The following RNF41 variants were observed in gnomAD, a reference collection of about 807,000 sequenced individuals.
RNF41 encodes ring finger protein 41.
In RNF41, 4 loss-of-function variants were observed where a neutral mutation model predicts 33.0. The ratio of observed to expected loss-of-function variants is 0.12; its 90% CI spans 0.06 to 0.28. RNF41 has a LOEUF of 0.28. Among genes scored for constraint, RNF41 ranks in the 10% least tolerant of loss-of-function variants. The probability of loss-of-function intolerance (pLI) is 1.00; values close to 1 mark genes in which losing one functional copy is unlikely to be tolerated. For missense variants in RNF41, 228 were observed against 432.6 expected, an observed-to-expected ratio of 0.53 and a Z score of 4.19; for synonymous variants, 164 against 153.2, an observed-to-expected ratio of 1.07 and a Z score of -0.52.
chr12:56,217,925 C>T (rs1869027946), intron 1 of RNF41, among the ~76,000 whole-genome samples: 1 of 152,242 alleles, frequency 6.6e-6, no homozygotes, highest in African/African-American at 2.4e-5. Flanking sequence ...GGGGATGCTG[C>T]TTTAATGTTT....
At chr12:56,221,702 A>C (rs1592364207) in intron 1 of RNF41, 58 bp downstream of exon 1, 2 of 142,856 alleles carry the variant, frequency 1.4e-5, no homozygotes, top group African/African-American at 2.7e-5. Context: ...CTGGGACATC[A>C]CCTCCTCCCC....
At chr12:56,217,731 G>C (rs1869013057) in intron 1 of RNF41, among the ~76,000 whole-genome samples, 1 of 152,104 alleles carries the variant, frequency 6.6e-6, no homozygotes, top group African/African-American at 2.4e-5. Context: ...TGTCCTGTCA[G>C]ATCAGCAGCG....
At chr12:56,211,634 T>C (rs1351610024) in intron 3 of RNF41, among the ~76,000 whole-genome samples, 1 of 151,972 alleles carries the variant, frequency 6.6e-6, no homozygotes, top group Non-Finnish European at 1.5e-5. Context: ...ATTCAGATGA[T>C]AGATTTAGAG....
chr12:56,205,310 C>T lies in RNF41; in HGVS notation c.*1137G>A, dbSNP rs1004662238. ...GGTTACAGAGGTTTGGGGCAGATATCGTAAGTTCAGCCGAGGACTCCCTTG... is the reference window on the plus strand; with the variant it reads ...GGTTACAGAGGTTTGGGGCAGATATTGTAAGTTCAGCCGAGGACTCCCTTG... On this transcript the variant is annotated 3_prime_UTR_variant, in exon 7 of 7. Coordinates refer to ENST00000345093, the MANE Select transcript of RNF41 (RefSeq NM_005785.4). 1.3e-5 allele frequency: 2 copies of T among 152,110 alleles called. No homozygotes were observed. Among genetic ancestry groups the T allele is most frequent in the South Asian group, 2.1e-4 (1 of 4,826 alleles). The allele number at this position is 152,110 out of a possible 1,614,324, so 9.4% of individuals were successfully genotyped here. A position where few individuals can be genotyped will look rare whatever the true frequency, so the allele number is the denominator to read the frequency against.
Position 56,206,741 on chromosome 12 carries a change from A to C in RNF41, c.660T>G (p.Thr220=), listed in dbSNP as rs1868273436. 6.2e-7 allele frequency: 1 copy of C among 1,614,042 alleles called. No homozygotes were observed. Among genetic ancestry groups the C allele is most frequent in the African/African-American group, 1.3e-5 (1 of 74,916 alleles). ...RVTRWGGMIS[T]PDAVLQAVIK... ...TTACAGCCTGGAGCACAGCATCAGG[A>C]GTCGAGATCATCCCTCCCCAGCGGG... Residue 220 remains threonine (T), a synonymous_variant, in exon 7 of 7, where the codon ACT becomes ACG. Transcript: ENST00000345093. The surrounding 1 kb of genome is among the most constrained non-coding windows in gnomAD (Gnocchi z 5.7).
upstream of RNF41, chr12:56,221,950 A>T (rs1869498814): frequency 6.6e-6 from 1 of 152,342 alleles, no homozygotes; most frequent in Admixed American, 6.5e-5. Context: ...CACCGCTGCT[A>T]CGCAACCCGG....
intron 2 of RNF41, among the ~76,000 whole-genome samples, chr12:56,216,131 AAAG>A (rs978002365): frequency 6.6e-6 from 1 of 152,140 alleles, no homozygotes; most frequent in African/African-American, 2.4e-5. Context: ...CAAAAAAAAA[AAAG>A]AAGAAACACA....
In RNF41 at chr12:56,206,237, G is replaced by A; in HGVS notation, c.*210C>T. 1 of 560,898 alleles carries A rather than the reference G, an allele frequency of 1.8e-6. No individual in the cohort carries two copies. The highest frequency in any genetic ancestry group is 3.2e-6 in the Non-Finnish European group (1 of 316,818). 34.7% of individuals were successfully genotyped at this position (560,898 alleles called of 1,614,324 possible). A position where few individuals can be genotyped will look rare whatever the true frequency, so the allele number is the denominator to read the frequency against. On this transcript the variant is annotated 3_prime_UTR_variant, in exon 7 of 7. Coordinates refer to ENST00000345093, the MANE Select transcript of RNF41 (RefSeq NM_005785.4). This position sits in a 1 kb window ranked among gnomAD's most constrained non-coding sequence, Gnocchi z 5.7. ...AGACTGATAATTTATAGACATTTTA[G>A]GGGAATATGGCAAAGGGAGGAAATC...
At position 56,205,064 on chromosome 12, in the gene RNF41, G is replaced by A. The variant is rs925264913; in HGVS notation, c.*1383C>T. 1 of 152,252 alleles carries A rather than the reference G, an allele frequency of 6.6e-6. No homozygotes were observed. Among genetic ancestry groups the A allele is most frequent in the African/African-American group, 2.4e-5 (1 of 41,462 alleles). The allele number at this position is 152,252 out of a possible 1,614,324, so 9.4% of individuals were successfully genotyped here. A position where few individuals can be genotyped will look rare whatever the true frequency, so the allele number is the denominator to read the frequency against. On this transcript the variant is annotated 3_prime_UTR_variant, in exon 7 of 7. Transcript: ENST00000345093. ...AGACACGGCACAGCCTGTACTTAGA[G>A]ATAAAATTTCTGATTTGCATGGTGA...
rs758330949 is a variant in RNF41 at position 56,208,177 on chromosome 12, G to A, written c.484C>T (p.Gln162Ter). The change falls in exon 5 of 7, where the codon CAG (glutamine) becomes TAG (stop). Residue 162 changes from glutamine to a stop codon, truncating the protein, a stop_gained. Coordinates refer to ENST00000345093, the MANE Select transcript of RNF41 (RefSeq NM_005785.4). LOFTEE classifies it high-confidence loss of function. ...TTGGGGCCTACCTGCTCCGCCAGCT[G>A]GTGTTTGTGTTCAGCTGACGTCTTC... Reference protein sequence around the residue: ...LEKTSAEHKHQLAEQKRDIQL... With the variant: ...LEKTSAEHKH 1 of 1,614,190 alleles carries A rather than the reference G, an allele frequency of 6.2e-7. No individual in the cohort carries two copies. The highest frequency in any genetic ancestry group is 8.5e-7 in the Non-Finnish European group (1 of 1,180,044).
intron 4 of RNF41, among the ~76,000 whole-genome samples, chr12:56,209,310 G>A (rs1427492305): frequency 6.6e-6 from 1 of 150,640 alleles, no homozygotes; most frequent in Non-Finnish European, 1.5e-5. Flanking sequence ...TTAGTTAGGG[G>A]GAACAGAGTC....
chr12:56,211,726 A>T (rs1291599110), intron 3 of RNF41, among the ~76,000 whole-genome samples: 1 of 152,080 alleles, frequency 6.6e-6, no homozygotes, highest in African/African-American at 2.4e-5. Context: ...TAATCCCAGC[A>T]CTTTGGGAGG....
intron 3 of RNF41, chr12:56,213,005 G>T: frequency 7.8e-7 from 1 of 1,289,700 alleles, no homozygotes; most frequent in Middle Eastern, 2.1e-4. Flanking sequence ...CCTGGTAATC[G>T]TGAGCTTCTC....
Position 56,203,658 on chromosome 12 carries a change from T to C in RNF41, c.*2789A>G, listed in dbSNP as rs968684533. On this transcript the variant is annotated 3_prime_UTR_variant, in exon 7 of 7. Coordinates refer to ENST00000345093, the MANE Select transcript of RNF41 (RefSeq NM_005785.4). ...ATCCACCCACCTTGGCCTCCCAAAG[T>C]GCTGGGATTACAGACGTGAGCCACC... is the stretch of plus-strand genomic sequence containing the variant. The C allele has an allele frequency of 6.7e-6, 1 of 149,308 alleles. No homozygotes were observed. The highest frequency in any genetic ancestry group is 2.5e-5 in the African/African-American group (1 of 40,348). The allele number at this position is 149,308 out of a possible 1,614,324, so 9.2% of individuals were successfully genotyped here. A position where few individuals can be genotyped will look rare whatever the true frequency, so the allele number is the denominator to read the frequency against.
intron 4 of RNF41, 93 bp downstream of exon 4, chr12:56,210,204 G>T: frequency 7.2e-7 from 1 of 1,395,320 alleles, no homozygotes. Context: ...ACATGCCAAA[G>T]AGACCTCCTC....
In RNF41 at chr12:56,210,689, C is replaced by G. The variant is rs7975405; in HGVS notation, c.91-121G>C. 7 of 909,528 alleles carry G rather than the reference C, an allele frequency of 7.7e-6. No homozygotes were observed. In the South Asian group the frequency reaches 9.4e-5, roughly 12 times the overall value. 56.3% of individuals were successfully genotyped at this position (909,528 alleles called of 1,614,324 possible). ...AGCAGCCTCTACGACAAGAGGTCCACTGGGTCACAGCAAAGTATAGATCTA... is the reference window on the plus strand; with the variant it reads ...AGCAGCCTCTACGACAAGAGGTCCAGTGGGTCACAGCAAAGTATAGATCTA... On this transcript the variant is annotated intron_variant, in intron 3 of 6. Transcript: ENST00000345093.
chr12:56,212,063 C>T (rs758277306), intron 3 of RNF41, among the ~76,000 whole-genome samples: 71 of 152,204 alleles, frequency 4.7e-4, no homozygotes, highest in Non-Finnish European at 9.6e-4. Flanking sequence ...GCAGGCAGAT[C>T]ACTTGAGATC....
chr12:56,218,642 A>G (rs1362167457), intron 1 of RNF41, among the ~76,000 whole-genome samples: 1 of 151,526 alleles, frequency 6.6e-6, no homozygotes, highest in African/African-American at 2.4e-5. Flanking sequence ...AGTAGGGAAA[A>G]TGATACCTGC....
chr12:56,217,790 G>A (rs1414770377), intron 1 of RNF41, among the ~76,000 whole-genome samples: 4 of 152,036 alleles, frequency 2.6e-5, no homozygotes, highest in African/African-American at 9.7e-5. Context: ...CTGCCCATGC[G>A]AGGGATCTAG....
Sources: gnomAD v4.1 joint callset for allele counts (sites outside exome capture counted in the v4.1 genomes callset) on GRCh38, gnomAD v4.1.1 for gene constraint, Gnocchi (gnomAD v3.1) non-coding constraint, MANE v1.5 for transcripts, NCBI Gene and HGNC (gene_info 2026-07-23, HGNC 2026-07-21) for gene names.